PCDH11X: variants seen among roughly 807,000 people sequenced by gnomAD.
The protein encoded by PCDH11X is protocadherin 11 X-linked.
PCDH11X carries 18 observed loss-of-function variants against 53.3 expected under a neutral mutation model. The ratio of observed to expected loss-of-function variants is 0.34; its 90% confidence interval spans 0.23 to 0.50. The LOEUF (loss-of-function observed/expected upper bound fraction) is 0.50, where lower values mean the gene tolerates loss of function less well. PCDH11X is among the 20% of genes least tolerant of loss of function. PCDH11X has a pLI of 0.98. For synonymous variants in PCDH11X, 279 were observed against 393.3 expected (o/e 0.71, Z 3.44); for missense variants, 570 against 1,032.4 (o/e 0.55, Z 6.14).
intron 1 of PCDH11X, among the ~76,000 whole-genome samples, chrX:91,780,969 T>A (rs1160679775): frequency 8.9e-6 from 1 of 111,957 alleles, no homozygotes; most frequent in Non-Finnish European, 1.9e-5. Flanking sequence ...TATTCCGCGT[T>A]CCTCTGCTTC....
chrX:92,450,282 T>G (rs1270353870), intron 9 of PCDH11X, among the ~76,000 whole-genome samples: 1 of 108,360 alleles, frequency 9.2e-6, no homozygotes, highest in Non-Finnish European at 1.9e-5. Context: ...ACAGTCACAG[T>G]CAGAATCAGA....
At chrX:92,227,888 A>G (rs1334681640) in intron 7 of PCDH11X, among the ~76,000 whole-genome samples, 1 of 111,639 alleles carries the variant, frequency 9.0e-6, no homozygotes, top group Non-Finnish European at 1.9e-5. Context: ...ATAGTTGTAT[A>G]TATTTTATGA....
intron 7 of PCDH11X, among the ~76,000 whole-genome samples, chrX:92,257,581 A>G (rs767388214): frequency 5.2e-4 from 59 of 112,423 alleles, no homozygotes; most frequent in African/African-American, 1.8e-3. Flanking sequence ...GACATTGGGT[A>G]AATACTCTCA....
chrX:91,888,153 T>G (rs1306342496), intron 6 of PCDH11X, among the ~76,000 whole-genome samples: 4 of 111,945 alleles, frequency 3.6e-5, no homozygotes, highest in African/African-American at 1.3e-4. Context: ...AATAAAACTT[T>G]TTTGTCAAGT....
chrX:91,810,737 T>A (rs1166175085), intron 3 of PCDH11X, among the ~76,000 whole-genome samples, 159 bp downstream of exon 3: 1 of 112,282 alleles, frequency 8.9e-6, no homozygotes, highest in Non-Finnish European at 1.9e-5. Context: ...ATGTATATTA[T>A]GTGATTGCCG....
chrX:92,486,688 A>G (rs765480015), intron 10 of PCDH11X, among the ~76,000 whole-genome samples: 8 of 111,467 alleles, frequency 7.2e-5, no homozygotes, highest in African/African-American at 2.3e-4. Flanking sequence ...TCCATTCCAT[A>G]TATTTCCAGG....
At chrX:92,343,571 T>C (rs1569469786) in intron 8 of PCDH11X, among the ~76,000 whole-genome samples, 1 of 111,065 alleles carries the variant, frequency 9.0e-6, no homozygotes, top group Non-Finnish European at 1.9e-5. Context: ...TATTTCTTTA[T>C]GTGAAATGAC....
intron 8 of PCDH11X, among the ~76,000 whole-genome samples, chrX:92,278,743 C>T (rs1030373231): frequency 2.7e-5 from 3 of 109,571 alleles, no homozygotes; most frequent in African/African-American, 6.7e-5. Flanking sequence ...TGGTCATATC[C>T]GTGCAAGTCA....
intron 8 of PCDH11X, among the ~76,000 whole-genome samples, chrX:92,277,429 G>A (rs2068124580): frequency 9.0e-6 from 1 of 110,685 alleles, no homozygotes; most frequent in South Asian, 3.8e-4. Flanking sequence ...TTTTAGGTCG[G>A]GTGTGAGTTG....
At chrX:92,118,943 G>A (rs5984888) in intron 6 of PCDH11X, among the ~76,000 whole-genome samples, 1,453 of 107,166 alleles carry the variant, frequency 0.014, 19 homozygotes, top group African/African-American at 0.044. Flanking sequence ...GGGTTTCACC[G>A]TGTTAGCCAG....
At chrX:92,488,451 T>C (rs1052342916) in intron 10 of PCDH11X, among the ~76,000 whole-genome samples, 2 of 110,490 alleles carry the variant, frequency 1.8e-5, no homozygotes, top group African/African-American at 6.6e-5. Flanking sequence ...ATTTGTCTAT[T>C]CCCTTAGTAA....
intron 6 of PCDH11X, among the ~76,000 whole-genome samples, chrX:92,079,827 A>C (rs1368714859): frequency 8.9e-6 from 1 of 111,756 alleles, no homozygotes; most frequent in Non-Finnish European, 1.9e-5. Context: ...ACCTTGTTAC[A>C]TGAATTGATG....
At chrX:92,571,316 A>G (rs5984997) in intron 10 of PCDH11X, among the ~76,000 whole-genome samples, 31,682 of 109,947 alleles carry the variant, frequency 0.29, 3,545 homozygotes, top group Non-Finnish European at 0.32. Flanking sequence ...CCTAATTACT[A>G]TTTTCCATTA....
Position 91,835,711 on chromosome X carries a change from C to T in PCDH11X, c.207C>T (p.Thr69=), listed in dbSNP as rs756498510. ...TGCAGTTCAAGCTAGTGTACAAGAC[C>T]GGAGATGTGCCACTGATTCGAATTG... ...TAMQFKLVYK[T]GDVPLIRIEE... The change falls in exon 5 of 11, where the codon ACC becomes ACT. Residue 69 remains threonine (T), a synonymous_variant. Coordinates refer to ENST00000682573, the MANE Select transcript of PCDH11X (RefSeq NM_032968.5). 4 of 1,211,218 alleles carry T rather than the reference C, an allele frequency of 3.3e-6. No individual in the cohort carries two copies. Among genetic ancestry groups the T allele is most frequent in the Non-Finnish European group, 4.5e-6 (4 of 895,376 alleles).
chrX:92,502,682 G>A (rs2073981256), intron 10 of PCDH11X, among the ~76,000 whole-genome samples: 1 of 109,984 alleles, frequency 9.1e-6, no homozygotes, highest in African/African-American at 3.3e-5. Context: ...AATTATAACT[G>A]GACTCCTTCC....
intron 10 of PCDH11X, among the ~76,000 whole-genome samples, chrX:92,569,964 C>T (rs1255824617): frequency 9.6e-5 from 9 of 93,287 alleles, no homozygotes; most frequent in East Asian, 6.4e-4. Flanking sequence ...TGCAGTGAGC[C>T]GAGATCGCAC....
chrX:91,846,600 A>G (rs1937681079), intron 5 of PCDH11X, among the ~76,000 whole-genome samples: 1 of 108,182 alleles, frequency 9.2e-6, no homozygotes, highest in Non-Finnish European at 1.9e-5. Flanking sequence ...CCTGGGCGAC[A>G]GAGTAAGACT....
chrX:92,555,754 G>T (rs1053554120), intron 10 of PCDH11X, among the ~76,000 whole-genome samples: 2 of 111,018 alleles, frequency 1.8e-5, no homozygotes, highest in African/African-American at 6.5e-5. Flanking sequence ...CTGATTAAAA[G>T]AATTATTGAT....
intron 4 of PCDH11X, among the ~76,000 whole-genome samples, chrX:91,815,864 T>TA (rs1209859977): frequency 9.1e-6 from 1 of 109,965 alleles, no homozygotes; most frequent in African/African-American, 3.4e-5. Context: ...ATGGGAAAGG[T>TA]AAAAAAATAT....
Sources: allele counts gnomAD v4.1 joint callset (sites outside exome capture counted in the v4.1 genomes callset), GRCh38; gene constraint gnomAD v4.1.1; transcripts MANE v1.5; gene names NCBI Gene and HGNC (gene_info 2026-07-23, HGNC 2026-07-21).